P2RX7: variants seen among roughly 807,000 people sequenced by gnomAD.
The protein encoded by P2RX7 is purinergic receptor P2X 7.
Under a neutral mutation model 71.6 loss-of-function variants are expected in P2RX7, and 62 were observed. The observed-to-expected ratio is 0.87, with a 90% CI of 0.71 to 1.07. The LOEUF (loss-of-function observed/expected upper bound fraction) is 1.07. Among genes scored for constraint, P2RX7 ranks in the 50% least tolerant of loss-of-function variants. The probability of loss-of-function intolerance (pLI) is 0.00; values close to 1 mark genes in which losing one functional copy is unlikely to be tolerated. For missense variants in P2RX7, 686 were observed against 748.5 expected, an observed-to-expected ratio of 0.92 and a Z score of 0.97; for synonymous variants, 299 against 283.3, an observed-to-expected ratio of 1.06 and a Z score of -0.56.
chr12:121,153,993 A>C (rs992318704), intron 1 of P2RX7, among the ~76,000 whole-genome samples: 1 of 152,016 alleles, frequency 6.6e-6, no homozygotes, highest in African/African-American at 2.4e-5. Flanking sequence ...ATGGTGATAC[A>C]TGCCTGTAGT....
At position 121,148,559 on chromosome 12, in the gene P2RX7, C is replaced by T. The variant is rs115250733; in HGVS notation, c.126-6226C>T. Among the ~76,000 whole-genome samples the T allele has an allele frequency of 2.2e-3, 333 of 152,002 alleles. 5 individuals are homozygous for T. The highest frequency in any genetic ancestry group is 7.3e-3 in the African/African-American group (303 of 41,442). On this transcript the variant is annotated intron_variant, in intron 1 of 12. Transcript: ENST00000328963. ...TTTCTTTTTAACCCTTGATTTTTAC[C>T]CTGTTTGACTGACTTTAGGAGTCTG...
At chr12:121,180,489 TAAGAAA>T in intron 12 of P2RX7, 34 bp downstream of exon 12, 7 of 1,013,654 alleles carry the variant, frequency 6.9e-6, no homozygotes, top group Non-Finnish European at 8.9e-6. Flanking sequence ...TTTTTTTTTT[TAAGAAA>T]ATTTACTGTT....
At position 121,154,930 on chromosome 12, in the gene P2RX7, G is replaced by A. The variant is rs201451288; in HGVS notation, c.271G>A (p.Ala91Thr). The change falls in exon 2 of 13, where the codon GCA becomes ACA. Residue 91 changes from alanine to threonine, a missense_variant. Physicochemically the swap from Ala to Thr is moderately conservative, Grantham distance 58 (BLOSUM62 0). Coordinates refer to ENST00000328963, the MANE Select transcript of P2RX7 (RefSeq NM_002562.6). The surrounding 1 kb of genome is among the most constrained non-coding windows in gnomAD (Gnocchi z 4.2). The part of the protein sequence containing the change: ...KKLVHSVFDT[A>T]DYTFPLQGNS... Reference sequence around the variant, plus strand: ...GTTGGTGCACAGTGTCTTTGACACCGCAGACTACACCTTCCCTTTGCAGGT... The same window carrying A: ...GTTGGTGCACAGTGTCTTTGACACCACAGACTACACCTTCCCTTTGCAGGT... 2.6e-5 allele frequency: 42 copies of A among 1,613,732 alleles called. No homozygotes were observed. Among genetic ancestry groups the A allele is most frequent in the Admixed American group, 1.0e-4 (6 of 59,986 alleles).
At position 121,180,432 on chromosome 12, in the gene P2RX7, G is replaced by A. The variant is rs74357548; in HGVS notation, c.1267G>A (p.Asp423Asn). The A allele has an allele frequency of 1.3e-3, 2,016 of 1,594,488 alleles. 46 individuals carry two copies. In the East Asian group the frequency reaches 0.043, roughly 34 times the overall value. The stretch of plus-strand genomic sequence containing the variant: ...GCAGCTACTAGGGAGAAGTCTGCAA[G>A]ATGTCAAGGGCCAAGAAGTCCCAGT... ...NQQLLGRSLQ[D>N]VKGQEVPRPA... The change falls in exon 12 of 13, where the codon GAT (aspartate) becomes AAT (asparagine). Residue 423 changes from aspartate (D) to asparagine (N), a missense_variant. By Grantham distance (23) the Asp-to-Asn change is conservative (BLOSUM62 1). Transcript: ENST00000328963.
At chr12:121,163,604 GA>G (rs1275558988) in intron 5 of P2RX7, among the ~76,000 whole-genome samples, 2 of 11,204 alleles carry the variant, frequency 1.8e-4, no homozygotes, top group African/African-American at 3.6e-4. Context: ...CAGGTAGATA[GA>G]TAGATAGATA....
At chr12:121,155,670 G>A (rs1281972119) in intron 2 of P2RX7, among the ~76,000 whole-genome samples, 1 of 152,034 alleles carries the variant, frequency 6.6e-6, no homozygotes, top group African/African-American at 2.4e-5. Context: ...CAGGTGGTGG[G>A]ATGCCCTAGT....
intron 1 of P2RX7, among the ~76,000 whole-genome samples, chr12:121,135,770 A>C: frequency 6.6e-6 from 1 of 151,584 alleles, no homozygotes; most frequent in Non-Finnish European, 1.5e-5. Context: ...TGGGAGGCCA[A>C]GGCGGGCAGG....
rs1177961813 is a variant in P2RX7, at chr12:121,187,046, AG to A, written c.*2245del. 6.6e-6 allele frequency: 1 copy of A among 152,224 alleles called. No homozygotes were observed. The highest frequency in any genetic ancestry group is 6.5e-5 in the Admixed American group (1 of 15,274). 9.4% of individuals were successfully genotyped at this position (152,224 alleles called of 1,614,324 possible). On this transcript the variant is annotated 3_prime_UTR_variant, in exon 13 of 13. Transcript: ENST00000328963. ...TACCATTTCCATACATCAACTGCTG[AG>A]AATATGAAAATGCACAGTGACAGGT...
At chr12:121,158,066 G>A (rs185601456) in intron 3 of P2RX7, among the ~76,000 whole-genome samples, 1 of 152,044 alleles carries the variant, frequency 6.6e-6, no homozygotes, top group Non-Finnish European at 1.5e-5. Flanking sequence ...GGTTTGGGCT[G>A]GTCTAATTGG....
intron 12 of P2RX7, among the ~76,000 whole-genome samples, chr12:121,182,061 T>TTA (rs71453542): frequency 7.8e-6 from 1 of 128,944 alleles, no homozygotes; most frequent in African/African-American, 2.9e-5. Context: ...AAGCTCCATC[T>TTA]AAAAAAAAAA....
At chr12:121,159,670 C>G (rs1166101487) in intron 3 of P2RX7, among the ~76,000 whole-genome samples, 1 of 152,138 alleles carries the variant, frequency 6.6e-6, no homozygotes, top group African/African-American at 2.4e-5. Context: ...AGCCTGCTCC[C>G]TAGAAAACAG....
At position 121,160,126 on chromosome 12, in the gene P2RX7, T is replaced by TTC. The variant is rs568124286; in HGVS notation, c.364-775_364-774insCT. Among the ~76,000 whole-genome samples the TTC allele has an allele frequency of 2.1e-3, 322 of 151,636 alleles. 2 individuals are homozygous for TTC. The highest frequency in any genetic ancestry group is 7.4e-3 in the African/African-American group (303 of 41,218). The stretch of plus-strand genomic sequence containing the variant: ...CTTTTTTTTTCCTTTCTTTCTTTCT[T>TTC]TTTCTTTCTTTCTTCCTTCCTTCCT... On this transcript the variant is annotated intron_variant, in intron 3 of 12. Coordinates refer to ENST00000328963, the MANE Select transcript of P2RX7 (RefSeq NM_002562.6).
At chr12:121,156,965 G>A (rs566354019) in intron 3 of P2RX7, among the ~76,000 whole-genome samples, 1 of 152,292 alleles carries the variant, frequency 6.6e-6, no homozygotes, top group South Asian at 2.1e-4. Context: ...ACCAGCCTGG[G>A]CAACATAGTG....
Position 121,142,457 on chromosome 12 carries a change from C to T in P2RX7, c.125+9362C>T, listed in dbSNP as rs539521923. On this transcript the variant is annotated intron_variant, in intron 1 of 12. Coordinates refer to ENST00000328963, the MANE Select transcript of P2RX7 (RefSeq NM_002562.6). ...TGCTTCAAATCTCTGACTTCTCTCC[C>T]GGGACCAGAAGAAGAATACTCTCTT... 3.1e-4 allele frequency among the ~76,000 whole-genome samples: 47 copies of T among 152,228 alleles called. No homozygotes were observed. In the South Asian group the frequency reaches 3.3e-3, roughly 11 times the overall value.
chr12:121,160,616 T>C (rs974146730), intron 3 of P2RX7, among the ~76,000 whole-genome samples: 6 of 152,242 alleles, frequency 3.9e-5, no homozygotes, highest in Middle Eastern at 3.2e-3. Context: ...CTTTTGTGTC[T>C]GTCTTCTTTC....
intron 1 of P2RX7, chr12:121,148,874 A>G (rs1876814939): frequency 3.4e-6 from 1 of 294,724 alleles, no homozygotes; most frequent in Non-Finnish European, 6.7e-6. Context: ...CTGCAGGCAC[A>G]GTCCTGGCGC....
intron 3 of P2RX7, among the ~76,000 whole-genome samples, chr12:121,160,241 A>G (rs1310580589): frequency 6.6e-6 from 1 of 151,648 alleles, no homozygotes; most frequent in East Asian, 1.9e-4. Flanking sequence ...TCCACCTCCC[A>G]GGTTCAAGTG....
chr12:121,179,198 C>A (rs952963014), intron 11 of P2RX7, among the ~76,000 whole-genome samples: 1 of 152,022 alleles, frequency 6.6e-6, no homozygotes, highest in Admixed American at 6.6e-5. Flanking sequence ...ATCTCTGGTA[C>A]CTAAAAACAA....
rs1879568193 is a variant in P2RX7 at position 121,161,014 on chromosome 12, G to T, written c.436+40G>T. On this transcript the variant is annotated intron_variant, in intron 4 of 12. Transcript: ENST00000328963. The stretch of plus-strand genomic sequence containing the variant: ...TTTTCCCGAGACCCTAGGGGTGGAT[G>T]GTCTGGCATCTTGGTGACATTTGTG... 4.0e-6 allele frequency: 6 copies of T among 1,491,102 alleles called. No homozygotes were observed. In the East Asian group the frequency reaches 1.4e-4, roughly 34 times the overall value. 92.4% of individuals were successfully genotyped at this position (1,491,102 alleles called of 1,614,324 possible). A position where few individuals can be genotyped will look rare whatever the true frequency, so the allele number is the denominator to read the frequency against.
Sources: allele counts gnomAD v4.1 joint callset (sites outside exome capture counted in the v4.1 genomes callset), GRCh38; gene constraint gnomAD v4.1.1; non-coding constraint Gnocchi (gnomAD v3.1); transcripts MANE v1.5; gene names NCBI Gene and HGNC (gene_info 2026-07-23, HGNC 2026-07-21).